Variants in KIF26B observed in about 807,000 individuals in gnomAD.
The protein encoded by KIF26B is kinesin family member 26B.
KIF26B carries 63 observed loss-of-function variants against 151.2 expected under a neutral mutation model. The observed-to-expected ratio is 0.42, with a 90% CI of 0.34 to 0.51. The LOEUF is 0.51. Ranked by LOEUF, KIF26B falls within the 20% of genes least tolerant of loss-of-function variation. The probability of loss-of-function intolerance (pLI) is 0.07; values close to 1 mark genes in which losing one functional copy is unlikely to be tolerated. For synonymous variants in KIF26B, 1,357 were observed against 1,262.1 expected, an observed-to-expected ratio of 1.08 and a Z score of -1.59; for missense variants, 2,813 against 2,913.6, an observed-to-expected ratio of 0.97 and a Z score of 0.79.
chr1:245,582,512 A>C (rs1368488847), intron 5 of KIF26B, among the ~76,000 whole-genome samples: 1 of 152,100 alleles, frequency 6.6e-6, no homozygotes, highest in African/African-American at 2.4e-5. Context: ...CCACAGCAGC[A>C]CAAGGAAAAA....
intron 3 of KIF26B, among the ~76,000 whole-genome samples, chr1:245,379,739 G>A (rs1673360458): frequency 6.6e-6 from 1 of 152,056 alleles, no homozygotes; most frequent in Non-Finnish European, 1.5e-5. Context: ...GGGAGGCCGA[G>A]ACAGGTGGAC....
intron 2 of KIF26B, among the ~76,000 whole-genome samples, chr1:245,199,649 C>T (rs1669263455): frequency 6.6e-6 from 1 of 151,988 alleles, no homozygotes; most frequent in South Asian, 2.1e-4. Flanking sequence ...CGGCCAATTC[C>T]TTTGGTATGT....
At position 245,419,632 on chromosome 1, in the gene KIF26B, G is replaced by A. The variant is rs779168065; in HGVS notation, c.1053G>A (p.Leu351=). 20 of 1,613,800 alleles carry A rather than the reference G, an allele frequency of 1.2e-5. No individual in the cohort carries two copies. The Admixed American group carries it at 3.0e-4, about 24-fold the overall frequency. ...GGGAGGGACTAACAGAAGCAGTGCT[G>A]AACCGCTACAATGCAGACAAGCCTT... ...SSREGLTEAV[L]NRYNADKPSA... is the part of the protein sequence containing the mutation. The change falls in exon 4 of 15, where the codon CTG becomes CTA. Residue 351 remains leucine (L), a synonymous_variant. Coordinates refer to ENST00000407071, the MANE Select transcript of KIF26B (RefSeq NM_018012.4).
At chr1:245,342,354 C>G (rs74770056) in intron 2 of KIF26B, among the ~76,000 whole-genome samples, 4,051 of 152,242 alleles carry the variant, frequency 0.027, 82 homozygotes, top group Middle Eastern at 0.051. Context: ...CAGAGACAGT[C>G]TTCAGTGTTT....
chr1:245,228,400 C>G (rs1387544627), intron 2 of KIF26B, among the ~76,000 whole-genome samples: 1 of 152,122 alleles, frequency 6.6e-6, no homozygotes, highest in Admixed American at 6.5e-5. Flanking sequence ...AATCCCACCT[C>G]TACTAAAAAT....
intron 10 of KIF26B, among the ~76,000 whole-genome samples, chr1:245,660,428 C>T (rs986095145): frequency 6.1e-5 from 9 of 148,094 alleles, no homozygotes; most frequent in Non-Finnish European, 8.9e-5. Flanking sequence ...CTTGATCTCC[C>T]GGGCTCAACA....
At chr1:245,531,724 T>A (rs1661365509) in intron 4 of KIF26B, among the ~76,000 whole-genome samples, 1 of 151,966 alleles carries the variant, frequency 6.6e-6, no homozygotes, top group Non-Finnish European at 1.5e-5. Flanking sequence ...AGTGCAGTGA[T>A]GGTGGCGAGG....
Position 245,166,615 on chromosome 1 carries a change from G to A in KIF26B, c.465+9932G>A, listed in dbSNP as rs1668618722. Among the ~76,000 whole-genome samples the A allele has an allele frequency of 1.3e-5, 2 of 152,206 alleles. No individual in the cohort carries two copies. The highest frequency in any genetic ancestry group is 2.9e-5 in the Non-Finnish European group (2 of 68,042). On this transcript the variant is annotated intron_variant, in intron 2 of 14. Transcript: ENST00000407071. This position sits in a 1 kb window ranked among gnomAD's most constrained non-coding sequence, Gnocchi z 4.5. ...CATTTCGGCTCCGGGGAATGAGGGA[G>A]AGCAGATTTCCTCCAGTGACTGCGC...
At chr1:245,557,839 G>A (rs1159846296) in intron 5 of KIF26B, among the ~76,000 whole-genome samples, 1 of 152,178 alleles carries the variant, frequency 6.6e-6, no homozygotes, top group Non-Finnish European at 1.5e-5. Context: ...CTAGAGGTAA[G>A]GCATTTAGTC....
In KIF26B at chr1:245,304,300, C is replaced by T. The variant is rs531747809; in HGVS notation, c.466-62534C>T. Among the ~76,000 whole-genome samples, 8 of 152,344 alleles carry T rather than the reference C, an allele frequency of 5.3e-5. No individual in the cohort carries two copies. The South Asian group carries it at 1.7e-3, about 32-fold the overall frequency. On this transcript the variant is annotated intron_variant, in intron 2 of 14. Transcript: ENST00000407071. The stretch of plus-strand genomic sequence containing the variant: ...CCATCGATATCCAGGTATACCTCCT[C>T]TCCTCTCTGATCAATCCAATTGCTA...
chr1:245,503,413 C>G (rs1572095040), intron 4 of KIF26B, among the ~76,000 whole-genome samples: 1 of 152,298 alleles, frequency 6.6e-6, no homozygotes, highest in Non-Finnish European at 1.5e-5. Flanking sequence ...TGGCATGTCC[C>G]AAATTCACCA....
chr1:245,707,058 T>G lies in KIF26B; in HGVS notation c.*4452T>G, dbSNP rs377487772. The stretch of plus-strand genomic sequence containing the variant: ...TACAACCTGTTCATTATTTCCATCA[T>G]AATGCAAGCGTAATTCTAATCCGGG... On this transcript the variant is annotated 3_prime_UTR_variant, in exon 15 of 15. Coordinates refer to ENST00000407071, the MANE Select transcript of KIF26B (RefSeq NM_018012.4). 8 of 152,222 alleles carry G rather than the reference T, an allele frequency of 5.3e-5. No homozygotes were observed. The East Asian group carries it at 1.3e-3, about 26-fold the overall frequency. The allele number at this position is 152,222 out of a possible 1,614,324, so 9.4% of individuals were successfully genotyped here.
intron 2 of KIF26B, among the ~76,000 whole-genome samples, chr1:245,252,981 A>G (rs973231477): frequency 6.7e-6 from 1 of 148,956 alleles, no homozygotes; most frequent in African/African-American, 2.5e-5. Flanking sequence ...TTTTCTCTAC[A>G]TCCATTGAGG....
intron 3 of KIF26B, among the ~76,000 whole-genome samples, chr1:245,402,621 G>A (rs1183669551): frequency 6.6e-6 from 1 of 152,208 alleles, no homozygotes; most frequent in Non-Finnish European, 1.5e-5. Flanking sequence ...GTGTCTAAAT[G>A]TACGCAGGGG....
chr1:245,462,130 G>GA (rs1041931160), intron 4 of KIF26B, among the ~76,000 whole-genome samples: 11 of 151,468 alleles, frequency 7.3e-5, no homozygotes, highest in South Asian at 2.1e-4. Context: ...CTCAGAAAAA[G>GA]AAAAAAAATT....
Position 245,366,818 on chromosome 1 carries a change from C to T in KIF26B, c.466-16C>T. 7 of 1,610,796 alleles carry T rather than the reference C, an allele frequency of 4.3e-6. No homozygotes were observed. The highest frequency in any genetic ancestry group is 5.9e-6 in the Non-Finnish European group (7 of 1,177,410). ...AGTTATAGAATCTCCTCTCCCTCTG[C>T]TTCTGTGTTCTGTAGGACCCTGCTT... is the stretch of plus-strand genomic sequence containing the variant. On this transcript the variant is annotated splice_polypyrimidine_tract_variant and intron_variant, in intron 2 of 14. Coordinates refer to ENST00000407071, the MANE Select transcript of KIF26B (RefSeq NM_018012.4).
At chr1:245,649,402 C>T (rs12127606) in intron 10 of KIF26B, among the ~76,000 whole-genome samples, 7,520 of 152,248 alleles carry the variant, frequency 0.049, 250 homozygotes, top group Non-Finnish European at 0.074. Context: ...CCCGAAATGT[C>T]GGAGCTGCCT....
chr1:245,667,762 C>T lies in KIF26B; in HGVS notation c.2259-16471C>T, dbSNP rs1342869162. On this transcript the variant is annotated intron_variant, in intron 10 of 14. Transcript: ENST00000407071. The surrounding 1 kb of genome is among the most constrained non-coding windows in gnomAD (Gnocchi z 4.3). ...CCAGGCAACTCACCAAGTCCCTTCG[C>T]AGCACTCCTGAAAAGCTCTGAGATG... Among the ~76,000 whole-genome samples the T allele has an allele frequency of 1.3e-5, 2 of 152,182 alleles. No homozygotes were observed. Among genetic ancestry groups the T allele is most frequent in the Non-Finnish European group, 1.5e-5 (1 of 68,036 alleles).
At chr1:245,618,723 C>T (rs113867887) in intron 9 of KIF26B, among the ~76,000 whole-genome samples, 6 of 118,730 alleles carry the variant, frequency 5.1e-5, no homozygotes, top group Admixed American at 8.4e-5. Flanking sequence ...GTGTCTGCTA[C>T]GTGCTGTTGG....
Sources: allele counts gnomAD v4.1 joint callset (sites outside exome capture counted in the v4.1 genomes callset), GRCh38; gene constraint gnomAD v4.1.1; non-coding constraint Gnocchi (gnomAD v3.1); transcripts MANE v1.5; gene names NCBI Gene and HGNC (gene_info 2026-07-23, HGNC 2026-07-21).